GRIK1: variants seen among roughly 807,000 people sequenced by gnomAD.
GRIK1 encodes the protein glutamate receptor ionotropic, kainate 1.
In GRIK1, 69 loss-of-function variants were observed where a neutral mutation model predicts 105.7. That is an observed-to-expected ratio of 0.65 (90% CI 0.54 to 0.80). The LOEUF (loss-of-function observed/expected upper bound fraction) is 0.80, where lower values mean the gene tolerates loss of function less well. Ranked by LOEUF, GRIK1 falls within the 30% of genes least tolerant of loss-of-function variation. The probability of loss-of-function intolerance (pLI) is 0.00; values close to 1 mark genes in which losing one functional copy is unlikely to be tolerated. For missense variants in GRIK1, 1,109 were observed against 1,167.3 expected, an observed-to-expected ratio of 0.95 and a Z score of 0.73; for synonymous variants, 438 against 431.3, an observed-to-expected ratio of 1.02 and a Z score of -0.19.
chr21:29,880,178 T>C (rs1331092702), intron 1 of GRIK1, among the ~76,000 whole-genome samples: 1 of 152,150 alleles, frequency 6.6e-6, no homozygotes, highest in Non-Finnish European at 1.5e-5. Context: ...ACCTCAAGTC[T>C]ATATTATTCA....
chr21:29,788,282 G>A (rs1454233253), intron 1 of GRIK1, among the ~76,000 whole-genome samples: 1 of 152,208 alleles, frequency 6.6e-6, no homozygotes, highest in Non-Finnish European at 1.5e-5. Context: ...TATTATACAA[G>A]GTGGTCAAGA....
chr21:29,937,118 G>A (rs919244545), intron 1 of GRIK1, among the ~76,000 whole-genome samples: 2 of 152,006 alleles, frequency 1.3e-5, no homozygotes, highest in African/African-American at 2.4e-5. Context: ...ATAAACTTTG[G>A]CTTAGTCCCC....
intron 1 of GRIK1, among the ~76,000 whole-genome samples, chr21:29,826,647 A>G (rs1377822120): frequency 6.6e-6 from 1 of 151,242 alleles, no homozygotes; most frequent in African/African-American, 2.4e-5. Context: ...TTTACATAGC[A>G]TGTGTGTGTG....
chr21:29,647,265 T>A (rs1347782295), intron 6 of GRIK1, among the ~76,000 whole-genome samples: 3 of 152,192 alleles, frequency 2.0e-5, no homozygotes, highest in Non-Finnish European at 2.9e-5. Flanking sequence ...CACTGTAAGG[T>A]GTTATTGTAC....
chr21:29,845,834 A>G (rs1433688715), intron 1 of GRIK1, among the ~76,000 whole-genome samples: 2 of 152,170 alleles, frequency 1.3e-5, no homozygotes, highest in South Asian at 2.1e-4. Flanking sequence ...GAGGGGAAGC[A>G]AAGTAGGAAG....
chr21:29,560,931 TAGAG>T (rs1307495121), intron 15 of GRIK1, among the ~76,000 whole-genome samples: 1 of 151,852 alleles, frequency 6.6e-6, no homozygotes. Context: ...AGGGAAAAAA[TAGAG>T]AGGGAGTTTT....
chr21:29,772,051 C>T (rs1286390875), intron 1 of GRIK1, among the ~76,000 whole-genome samples: 1 of 152,220 alleles, frequency 6.6e-6, no homozygotes, highest in Non-Finnish European at 1.5e-5. Flanking sequence ...TTCGTTGGAA[C>T]TTGCCATTTT....
chr21:29,673,583 C>T (rs1410448283), intron 3 of GRIK1, among the ~76,000 whole-genome samples: 1 of 152,164 alleles, frequency 6.6e-6, no homozygotes, highest in African/African-American at 2.4e-5. Context: ...AGGCTATAAA[C>T]TTCTGTAAGC....
At chr21:29,658,272 A>G (rs1258803924) in intron 4 of GRIK1, among the ~76,000 whole-genome samples, 2 of 151,644 alleles carry the variant, frequency 1.3e-5, no homozygotes, top group African/African-American at 4.8e-5. Context: ...TTTTATTTTT[A>G]TTTATTTTTG....
At chr21:29,739,057 A>G (rs2064864100) in intron 1 of GRIK1, among the ~76,000 whole-genome samples, 1 of 152,238 alleles carries the variant, frequency 6.6e-6, no homozygotes, top group Non-Finnish European at 1.5e-5. Flanking sequence ...TACAGGAGTG[A>G]AAAAGGTAGA....
chr21:29,669,373 C>T (rs1335090032), intron 4 of GRIK1, among the ~76,000 whole-genome samples: 1 of 152,138 alleles, frequency 6.6e-6, no homozygotes, highest in South Asian at 2.1e-4. Flanking sequence ...CCACATTGAC[C>T]TGGCAGAGAA....
chr21:29,638,178 G>A (rs1285857136), intron 7 of GRIK1, among the ~76,000 whole-genome samples: 4 of 151,942 alleles, frequency 2.6e-5, no homozygotes, highest in African/African-American at 9.7e-5. Flanking sequence ...AAAGGAAAGA[G>A]GTTTAATTGA....
At chr21:29,839,888 T>C (rs1332625346) in intron 1 of GRIK1, among the ~76,000 whole-genome samples, 1 of 152,150 alleles carries the variant, frequency 6.6e-6, no homozygotes, top group African/African-American at 2.4e-5. Flanking sequence ...ACCTCAGTAG[T>C]GTGAAAGGTT....
intron 16 of GRIK1, among the ~76,000 whole-genome samples, chr21:29,546,718 A>C (rs1172025920): frequency 7.2e-5 from 11 of 152,214 alleles, no homozygotes; most frequent in Non-Finnish European, 1.5e-4. Flanking sequence ...AACTTTTTTG[A>C]ATTATAACAA....
chr21:29,626,903 T>C (rs1040057103), intron 7 of GRIK1, among the ~76,000 whole-genome samples: 6 of 152,332 alleles, frequency 3.9e-5, no homozygotes, highest in East Asian at 3.9e-4. Context: ...AAAACAAATG[T>C]TGCATGTTGA....
chr21:29,583,790 A>G (rs1172458876), intron 12 of GRIK1, among the ~76,000 whole-genome samples: 2 of 152,196 alleles, frequency 1.3e-5, no homozygotes, highest in Non-Finnish European at 2.9e-5. Flanking sequence ...CTGGCTTTTT[A>G]TAAGGCAATA....
chr21:29,723,514 A>G (rs1200895382), intron 1 of GRIK1, among the ~76,000 whole-genome samples: 1 of 152,258 alleles, frequency 6.6e-6, no homozygotes, highest in Non-Finnish European at 1.5e-5. Flanking sequence ...AGGAGAGCTT[A>G]TTGAAACAAA....
At chr21:29,783,213 G>C (rs939070351) in intron 1 of GRIK1, among the ~76,000 whole-genome samples, 4 of 151,530 alleles carry the variant, frequency 2.6e-5, no homozygotes, top group African/African-American at 4.9e-5. Context: ...TCCTGTTTTT[G>C]TCTTTTGCAA....
chr21:29,684,461 GC>G (rs1240794461), intron 3 of GRIK1, among the ~76,000 whole-genome samples: 2 of 151,810 alleles, frequency 1.3e-5, no homozygotes, highest in Admixed American at 6.6e-5. Context: ...TTAGGTTGGT[GC>G]AAAAATAATT....
Sources: allele counts gnomAD v4.1 joint callset (sites outside exome capture counted in the v4.1 genomes callset), GRCh38; gene constraint gnomAD v4.1.1; transcripts MANE v1.5; gene names NCBI Gene and HGNC (gene_info 2026-07-23, HGNC 2026-07-21).